Variants in PDE11A observed in about 807,000 individuals in gnomAD.
PDE11A encodes the protein phosphodiesterase 11A, also known as dual 3',5'-cyclic-AMP and -GMP phosphodiesterase 11A.
Under a neutral mutation model 100.5 loss-of-function variants are expected in PDE11A, and 100 were observed. That is an observed-to-expected ratio of 1.00 (90% CI 0.85 to 1.18). PDE11A has a LOEUF of 1.18. Among genes scored for constraint, PDE11A ranks in the 50% most tolerant of loss-of-function variants. PDE11A has a pLI of 0.00. For missense variants in PDE11A, 1,141 were observed against 1,152.6 expected, an observed-to-expected ratio of 0.99 and a Z score of 0.15; for synonymous variants, 381 against 420.8, an observed-to-expected ratio of 0.91 and a Z score of 1.16.
chr2:177,945,576 T>C (rs1284975312), intron 2 of PDE11A, among the ~76,000 whole-genome samples: 3 of 149,686 alleles, frequency 2.0e-5, no homozygotes, highest in Non-Finnish European at 4.5e-5. Flanking sequence ...GGAGACCCTC[T>C]GCCTGGCAAC....
chr2:177,942,855 C>G (rs1236340905), intron 2 of PDE11A, among the ~76,000 whole-genome samples: 2 of 152,142 alleles, frequency 1.3e-5, no homozygotes, highest in Non-Finnish European at 2.9e-5. Flanking sequence ...ACTTTATACC[C>G]ATTAAACAAC....
intron 9 of PDE11A, among the ~76,000 whole-genome samples, chr2:177,799,138 T>G (rs1460555716): frequency 6.6e-6 from 1 of 152,148 alleles, no homozygotes; most frequent in African/African-American, 2.4e-5. Context: ...ACAAAATACC[T>G]GACCAGTTTG....
At chr2:177,923,173 T>C (rs1428369998) in intron 2 of PDE11A, among the ~76,000 whole-genome samples, 1 of 151,646 alleles carries the variant, frequency 6.6e-6, no homozygotes, top group Non-Finnish European at 1.5e-5. Flanking sequence ...TTATTATTTA[T>C]TTTCATTTAA....
intron 2 of PDE11A, among the ~76,000 whole-genome samples, chr2:177,926,224 T>C (rs1160877705): frequency 2.0e-5 from 3 of 151,518 alleles, no homozygotes; most frequent in Non-Finnish European, 4.4e-5. Context: ...GAAGTATTTT[T>C]TCATTGTCTA....
chr2:177,669,536 T>C lies in PDE11A; in HGVS notation c.2519A>G (p.Glu840Gly), dbSNP rs990281591. 4.7e-6 allele frequency: 7 copies of C among 1,477,846 alleles called. No individual in the cohort carries two copies. In the Admixed American group the frequency reaches 1.0e-4, roughly 21 times the overall value. 91.5% of individuals were successfully genotyped at this position (1,477,846 alleles called of 1,614,324 possible). ...CTCTAATCTCTCCCGATCTCCTTGT[T>C]CGAAGAACTCACTGGTTACAAGTTC... ...VAELVTSEFFEQGDRERLELK... is the reference protein window; with the variant it reads ...VAELVTSEFFGQGDRERLELK... Residue 840 changes from glutamate to glycine, a missense_variant, in exon 18 of 20, where the codon GAA (glutamate) becomes GGA (glycine). Coordinates refer to ENST00000286063, the MANE Select transcript of PDE11A (RefSeq NM_016953.4).
At chr2:177,869,567 A>G (rs77808322) in intron 5 of PDE11A, among the ~76,000 whole-genome samples, 3,410 of 152,264 alleles carry the variant, frequency 0.022, 58 homozygotes, top group East Asian at 0.075. Context: ...ATTACATCAG[A>G]CTCACCTAGA....
chr2:177,982,108 G>A (rs74984997), intron 2 of PDE11A, among the ~76,000 whole-genome samples: 1,512 of 151,140 alleles, frequency 0.01, 43 homozygotes, highest in African/African-American at 0.035. Flanking sequence ...ATCACGAATG[G>A]AAGAGAACGG....
intron 15 of PDE11A, chr2:177,688,332 A>C (rs999590542): frequency 6.6e-6 from 1 of 152,218 alleles, no homozygotes; most frequent in African/African-American, 2.4e-5. Flanking sequence ...AGTAATAATC[A>C]TTACAAAGTA....
intron 5 of PDE11A, among the ~76,000 whole-genome samples, chr2:177,841,790 A>G (rs1489478735): frequency 1.2e-4 from 18 of 152,224 alleles, no homozygotes; most frequent in Non-Finnish European, 2.4e-4. Context: ...TTTTAATAAA[A>G]AGCTGAGTCT....
chr2:178,051,555 G>A (rs2086827176), intron 1 of PDE11A, among the ~76,000 whole-genome samples: 2 of 152,266 alleles, frequency 1.3e-5, no homozygotes, highest in South Asian at 4.1e-4. Context: ...AAAAGACACA[G>A]ACTGGCAAAT....
chr2:178,060,016 A>G (rs567688145), intron 1 of PDE11A, among the ~76,000 whole-genome samples: 2 of 152,280 alleles, frequency 1.3e-5, no homozygotes, highest in East Asian at 3.9e-4. Flanking sequence ...TGAGCAAGAA[A>G]TGTGTGCCAC....
chr2:178,009,910 CA>C (rs1416153996), intron 2 of PDE11A, among the ~76,000 whole-genome samples: 2 of 152,108 alleles, frequency 1.3e-5, no homozygotes, highest in Non-Finnish European at 2.9e-5. Flanking sequence ...TCAGGACATA[CA>C]AATCATATTA....
intron 5 of PDE11A, among the ~76,000 whole-genome samples, chr2:177,871,753 G>T (rs2084140558): frequency 6.6e-6 from 1 of 151,664 alleles, no homozygotes; most frequent in African/African-American, 2.4e-5. Context: ...CTAGCTAATT[G>T]GGAGGTTGAG....
intron 12 of PDE11A, among the ~76,000 whole-genome samples, chr2:177,719,484 C>A (rs1037902398): frequency 6.6e-6 from 1 of 152,138 alleles, no homozygotes; most frequent in Non-Finnish European, 1.5e-5. Context: ...GTCTTTCTTC[C>A]TCTTCTTCAT....
Position 177,640,498 on chromosome 2 carries a change from C to T in PDE11A, c.2647-10936G>A, listed in dbSNP as rs371084266. The stretch of plus-strand genomic sequence containing the variant: ...GTCCAGCAGTTACAGATGCAAAGAG[C>T]ATCTTCAAGAAACAGCTTCCTGTTC... On this transcript the variant is annotated intron_variant, in intron 19 of 19. Coordinates refer to ENST00000286063, the MANE Select transcript of PDE11A (RefSeq NM_016953.4). Among the ~76,000 whole-genome samples the T allele has an allele frequency of 2.9e-4, 44 of 152,346 alleles. 1 individual carries two copies. The East Asian group carries it at 4.4e-3, about 15-fold the overall frequency.
rs182345824 is a variant in PDE11A, at chr2:177,765,890, T to A, written c.1788+3433A>T. ...AGCTTGTCTCCCAGACATTTCTGCA[T>A]CCCAGATGTGGTGCAACTTGGGTTC... On this transcript the variant is annotated intron_variant, in intron 10 of 19. Transcript: ENST00000286063. Among the ~76,000 whole-genome samples the A allele has an allele frequency of 1.2e-4, 19 of 152,350 alleles. No homozygotes were observed. In the East Asian group the frequency reaches 3.1e-3, roughly 25 times the overall value.
chr2:177,711,333 A>G (rs2105424685), intron 13 of PDE11A, among the ~76,000 whole-genome samples: 1 of 152,346 alleles, frequency 6.6e-6, no homozygotes, highest in Non-Finnish European at 1.5e-5. Flanking sequence ...ATAATACCCA[A>G]CATCAAAAGA....
chr2:177,920,877 A>G (rs954102716), intron 2 of PDE11A, among the ~76,000 whole-genome samples: 2 of 152,146 alleles, frequency 1.3e-5, no homozygotes, highest in Admixed American at 6.5e-5. Flanking sequence ...CCTGGCTAAC[A>G]CAGTGAAACC....
intron 6 of PDE11A, 148 bp from the exon 7 acceptor site, chr2:177,820,443 C>A: frequency 1.6e-6 from 1 of 621,178 alleles, no homozygotes; most frequent in Non-Finnish European, 2.9e-6. Context: ...TGCATAAACT[C>A]ACTCACCTGC....
Sources: gnomAD v4.1 joint callset for allele counts (sites outside exome capture counted in the v4.1 genomes callset) on GRCh38, gnomAD v4.1.1 for gene constraint, MANE v1.5 for transcripts, NCBI Gene and HGNC (gene_info 2026-07-23, HGNC 2026-07-21) for gene names.